Variants in SLC25A42 observed in about 807,000 individuals in gnomAD.
SLC25A42 encodes mitochondrial coenzyme A transporter SLC25A42.
SLC25A42 carries 19 observed loss-of-function variants against 34.7 expected under a neutral mutation model. The observed-to-expected ratio is 0.55, with a 90% CI of 0.38 to 0.80. The LOEUF (loss-of-function observed/expected upper bound fraction) is 0.80. Among genes scored for constraint, SLC25A42 ranks in the 30% least tolerant of loss-of-function variants. SLC25A42 has a pLI of 0.00. For missense variants in SLC25A42, 364 were observed against 441.3 expected (o/e 0.82, Z 1.57); for synonymous variants, 205 against 191.2 (o/e 1.07, Z -0.59).
intron 1 of SLC25A42, among the ~76,000 whole-genome samples, chr19:19,072,119 T>C (rs566041912): frequency 2.6e-5 from 4 of 152,098 alleles, no homozygotes; most frequent in Non-Finnish European, 5.9e-5. Context: ...TCCCAAAGTA[T>C]TGGAATTACA....
chr19:19,068,754 T>C (rs148957660), intron 1 of SLC25A42, among the ~76,000 whole-genome samples: 3,550 of 147,604 alleles, frequency 0.024, 134 homozygotes, highest in African/African-American at 0.084. Flanking sequence ...AGGAGAATCG[T>C]TTGAACCCTG....
intron 1 of SLC25A42, among the ~76,000 whole-genome samples, chr19:19,092,098 T>C (rs1221349579): frequency 2.0e-5 from 3 of 152,202 alleles, no homozygotes; most frequent in Non-Finnish European, 2.9e-5. Flanking sequence ...TGGCCCACCG[T>C]GCTCCAGGCC....
At position 19,112,655 on chromosome 19, in the gene SLC25A42, C is replaced by T. The variant is rs1376190908; in HGVS notation, c.*1779C>T. On this transcript the variant is annotated 3_prime_UTR_variant, in exon 8 of 8. Coordinates refer to ENST00000318596, the MANE Select transcript of SLC25A42 (RefSeq NM_178526.5). This position sits in a 1 kb window ranked among gnomAD's most constrained non-coding sequence, Gnocchi z 4.3. ...TCCCTGCTGACCCCAGTGTGTCTCC[C>T]CGGAGATGGCTCCTAGCTGAGTGGG... The T allele has an allele frequency of 6.5e-6, 1 of 152,718 alleles. No homozygotes were observed. Among genetic ancestry groups the T allele is most frequent in the African/African-American group, 2.4e-5 (1 of 41,446 alleles). The allele number at this position is 152,718 out of a possible 1,614,324, so 9.5% of individuals were successfully genotyped here.
In SLC25A42 at chr19:19,104,769, G is replaced by A; in HGVS notation, c.188-144G>A. On this transcript the variant is annotated intron_variant, in intron 3 of 7. Coordinates refer to ENST00000318596, the MANE Select transcript of SLC25A42 (RefSeq NM_178526.5). ...GAGACCCTCACTATTCTGGGGCTTG[G>A]GTGTCAGCTCAGCTCCCATTCCTGG... is the stretch of plus-strand genomic sequence containing the variant. The A allele has an allele frequency of 6.9e-6, 6 of 867,164 alleles. No individual in the cohort carries two copies. The South Asian group carries it at 9.0e-5, about 13-fold the overall frequency. The allele number at this position is 867,164 out of a possible 1,614,324, so 53.7% of individuals were successfully genotyped here.
At chr19:19,105,751 A>G in intron 5 of SLC25A42, 24 bp downstream of exon 5, 2 of 1,451,042 alleles carry the variant, frequency 1.4e-6, no homozygotes, top group Non-Finnish European at 1.8e-6. Context: ...CCGCCCTGCC[A>G]CAGAATCGCC....
chr19:19,094,014 G>A (rs1046914397), intron 1 of SLC25A42, among the ~76,000 whole-genome samples: 10 of 152,180 alleles, frequency 6.6e-5, no homozygotes, highest in African/African-American at 1.7e-4. Context: ...GATGGATCTG[G>A]GGGAGGAAGA....
intron 1 of SLC25A42, among the ~76,000 whole-genome samples, chr19:19,086,560 A>AT (rs943463425): frequency 2.0e-5 from 3 of 151,932 alleles, no homozygotes; most frequent in Non-Finnish European, 2.9e-5. Context: ...AGGCTAGTCC[A>AT]TTTTTTTTGA....
At chr19:19,085,854 G>A (rs2059705641) in intron 1 of SLC25A42, among the ~76,000 whole-genome samples, 1 of 152,114 alleles carries the variant, frequency 6.6e-6, no homozygotes, top group Non-Finnish European at 1.5e-5. Flanking sequence ...GAGAGGGGAG[G>A]GGAGGGGGCC....
chr19:19,091,110 T>A (rs911955646), intron 1 of SLC25A42, among the ~76,000 whole-genome samples: 1 of 152,208 alleles, frequency 6.6e-6, no homozygotes, highest in Non-Finnish European at 1.5e-5. Flanking sequence ...CGGTCTGTCC[T>A]ACCCAGTTCT....
intron 3 of SLC25A42, among the ~76,000 whole-genome samples, chr19:19,103,292 G>A (rs925846871): frequency 5.9e-5 from 9 of 151,916 alleles, no homozygotes; most frequent in Non-Finnish European, 8.8e-5. Flanking sequence ...GACAGGTTTC[G>A]ACACGTTGGC....
intron 1 of SLC25A42, among the ~76,000 whole-genome samples, chr19:19,086,201 C>T (rs1280344110): frequency 6.6e-6 from 1 of 151,782 alleles, no homozygotes; most frequent in East Asian, 2.0e-4. Context: ...AGTGCAGTGG[C>T]ATGATCACTG....
At chr19:19,105,936 C>T in intron 5 of SLC25A42, 3 of 575,664 alleles carry the variant, frequency 5.2e-6, no homozygotes, top group South Asian at 2.3e-5. Flanking sequence ...CTTCAGAGCT[C>T]CTCTCCTTTG....
intron 1 of SLC25A42, among the ~76,000 whole-genome samples, chr19:19,084,000 ACC>A (rs2059694018): frequency 7.0e-6 from 1 of 143,612 alleles, no homozygotes; most frequent in Non-Finnish European, 1.5e-5. Context: ...ACCTGCCCAC[ACC>A]CCACCACCCC....
chr19:19,110,984 C>A lies in SLC25A42; in HGVS notation c.*108C>A. The A allele has an allele frequency of 7.7e-7, 1 of 1,293,982 alleles. No individual in the cohort carries two copies. The highest frequency in any genetic ancestry group is 2.2e-5 in the Admixed American group (1 of 45,014). The allele number at this position is 1,293,982 out of a possible 1,614,324, so 80.2% of individuals were successfully genotyped here. ...ATTCTACTTCAGGAGGCACATGGGG[C>A]GCTTTATGGAACGAGCAGGTGGGCC... On this transcript the variant is annotated 3_prime_UTR_variant, in exon 8 of 8. Transcript: ENST00000318596.
Position 19,109,652 on chromosome 19 carries a change from C to G in SLC25A42, c.650-917C>G, listed in dbSNP as rs925741464. Among the ~76,000 whole-genome samples the G allele has an allele frequency of 1.3e-5, 2 of 152,164 alleles. No individual in the cohort carries two copies. The highest frequency in any genetic ancestry group is 2.4e-5 in the African/African-American group (1 of 41,426). The stretch of plus-strand genomic sequence containing the variant: ...TTCTCCATGTTGGCCAGGCTGGTCT[C>G]CAATTCCTGGGCTCAAGTGATCCGC... On this transcript the variant is annotated intron_variant, in intron 7 of 7. Transcript: ENST00000318596. The surrounding 1 kb of genome is among the most constrained non-coding windows in gnomAD (Gnocchi z 4.1).
intron 2 of SLC25A42, among the ~76,000 whole-genome samples, chr19:19,099,541 A>G (rs116230207): frequency 0.014 from 2,160 of 151,946 alleles, 48 homozygotes; most frequent in African/African-American, 0.047. Context: ...GTGTGGACAG[A>G]CTCAGGCCCA....
At chr19:19,068,761 C>A (rs1431601954) in intron 1 of SLC25A42, among the ~76,000 whole-genome samples, 1 of 151,960 alleles carries the variant, frequency 6.6e-6, no homozygotes, top group East Asian at 1.9e-4. Flanking sequence ...TCGTTTGAAC[C>A]CTGGAGGCGG....
chr19:19,100,341 C>T (rs1238328549), intron 2 of SLC25A42, among the ~76,000 whole-genome samples: 1 of 151,876 alleles, frequency 6.6e-6, no homozygotes, highest in East Asian at 1.9e-4. Context: ...GACTGTGCCT[C>T]AGAAAAAAAA....
chr19:19,102,262 G>A (rs1044218919), intron 3 of SLC25A42, among the ~76,000 whole-genome samples: 8 of 151,792 alleles, frequency 5.3e-5, no homozygotes, highest in Non-Finnish European at 1.2e-4. Flanking sequence ...GCCCGCCTCG[G>A]CCTCCCAAAG....
Sources: allele counts gnomAD v4.1 joint callset (sites outside exome capture counted in the v4.1 genomes callset), GRCh38; gene constraint gnomAD v4.1.1; non-coding constraint Gnocchi (gnomAD v3.1); transcripts MANE v1.5; gene names NCBI Gene and HGNC (gene_info 2026-07-23, HGNC 2026-07-21).